Variants in PTK2 observed in about 807,000 individuals in gnomAD.
PTK2 encodes the protein focal adhesion kinase 1.
PTK2 carries 45 observed loss-of-function variants against 150.1 expected under a neutral mutation model. That is an observed-to-expected ratio of 0.30 (90% CI 0.24 to 0.38). PTK2 has a LOEUF of 0.38. Ranked by LOEUF, PTK2 falls within the 10% of genes least tolerant of loss-of-function variation. The probability of loss-of-function intolerance (pLI) is 1.00; values close to 1 mark genes in which losing one functional copy is unlikely to be tolerated. For missense variants in PTK2, 919 were observed against 1,307.3 expected, an observed-to-expected ratio of 0.70 and a Z score of 4.58; for synonymous variants, 432 against 449.2, an observed-to-expected ratio of 0.96 and a Z score of 0.48.
rs528747742 is a variant in PTK2, at chr8:140,970,823, G to C, written c.-122+30302C>G. ...CCTAAATGGCTCTCCATCTTATGTG[G>C]ATAACTTAACCATGTTAAGTTGTCT... is the stretch of plus-strand genomic sequence containing the variant. On this transcript the variant is annotated intron_variant, in intron 1 of 31. Transcript: ENST00000522684. 2.0e-5 allele frequency among the ~76,000 whole-genome samples: 3 copies of C among 151,614 alleles called. No homozygotes were observed. In the South Asian group the frequency reaches 6.2e-4, roughly 32 times the overall value.
intron 7 of PTK2, among the ~76,000 whole-genome samples, chr8:140,845,644 T>C (rs539937611): frequency 6.6e-6 from 1 of 152,310 alleles, no homozygotes; most frequent in East Asian, 1.9e-4. Flanking sequence ...GTGGAATGCT[T>C]CCTGGGGGTT....
chr8:140,768,218 G>A (rs573875741), intron 14 of PTK2, among the ~76,000 whole-genome samples: 1 of 151,998 alleles, frequency 6.6e-6, no homozygotes, highest in South Asian at 2.1e-4. Context: ...GGCAAGAAAC[G>A]GTAGCATACA....
intron 16 of PTK2, 115 bp downstream of exon 19, chr8:140,761,050 A>G (rs2100069141): frequency 1.4e-6 from 1 of 695,950 alleles, no homozygotes; most frequent in South Asian, 2.0e-5. Flanking sequence ...TTTATAAAAG[A>G]CACCCGTAAA....
chr8:140,681,782 A>G (rs1054303255), intron 27 of PTK2, among the ~76,000 whole-genome samples: 1 of 152,214 alleles, frequency 6.6e-6, no homozygotes, highest in Non-Finnish European at 1.5e-5. Context: ...GTCTCAAAAA[A>G]AAGCAGTTGG....
exon 3 of PTK2, chr8:140,890,709 A>C: frequency 6.2e-7 from 1 of 1,614,140 alleles, no homozygotes. Flanking sequence ...TGTGTGATTC[A>C]AGTTGGGGTC....
chr8:140,716,357 G>A (rs1047190843), intron 23 of PTK2, among the ~76,000 whole-genome samples: 2 of 152,202 alleles, frequency 1.3e-5, no homozygotes, highest in Non-Finnish European at 2.9e-5. Flanking sequence ...TGCGGGGTAC[G>A]TGCTAGTTTT....
rs371277857 is a variant in PTK2 at position 140,819,035 on chromosome 8, T to C, written c.649-15A>G. 1 of 1,608,420 alleles carries C rather than the reference T, an allele frequency of 6.2e-7. No individual in the cohort carries two copies. The highest frequency in any genetic ancestry group is 8.5e-7 in the Non-Finnish European group (1 of 1,177,590). ...AGTGTTTTGGCCTGCATGACAAAAT[T>C]ACCAAAACATCTTGTAAAAATCAGC... On this transcript the variant is annotated splice_polypyrimidine_tract_variant and intron_variant, in intron 8 of 31. Coordinates refer to ENST00000522684, the Ensembl canonical transcript of PTK2.
intron 22 of PTK2, among the ~76,000 whole-genome samples, chr8:140,726,582 G>T (rs1273087250): frequency 6.6e-6 from 1 of 151,886 alleles, no homozygotes; most frequent in African/African-American, 2.4e-5. Flanking sequence ...TAACAGGGCA[G>T]AAGACAGTAA....
At chr8:140,733,221 G>A (rs1220750496) in intron 22 of PTK2, among the ~76,000 whole-genome samples, 1 of 152,186 alleles carries the variant, frequency 6.6e-6, no homozygotes, top group Non-Finnish European at 1.5e-5. Flanking sequence ...CAACCTGGAG[G>A]AAGTGAGGAG....
Position 140,764,654 on chromosome 8 carries a change from A to T in PTK2, c.1178-364T>A, listed in dbSNP as rs180951926. The T allele has an allele frequency of 2.0e-5, 7 of 343,966 alleles. No homozygotes were observed. In the Admixed American group the frequency reaches 3.2e-4, roughly 16 times the overall value. 21.3% of individuals were successfully genotyped at this position (343,966 alleles called of 1,614,324 possible). On this transcript the variant is annotated intron_variant, in intron 14 of 31. Transcript: ENST00000522684. ...TACATGTTTAAAACTACAGTTGTCTACTGGGCTTTCTCCAAATAAGACTGG... is the reference window on the plus strand; with the variant it reads ...TACATGTTTAAAACTACAGTTGTCTTCTGGGCTTTCTCCAAATAAGACTGG...
chr8:140,921,772 T>A (rs1320454348), intron 2 of PTK2, among the ~76,000 whole-genome samples: 1 of 152,186 alleles, frequency 6.6e-6, no homozygotes, highest in Non-Finnish European at 1.5e-5. Context: ...AATAAACTCA[T>A]ACTAAAGAAG....
At chr8:140,740,338 A>G (rs937207752) in intron 20 of PTK2, among the ~76,000 whole-genome samples, 6 of 152,138 alleles carry the variant, frequency 3.9e-5, no homozygotes, top group Non-Finnish European at 8.8e-5. Flanking sequence ...CTGCAGGGAG[A>G]GGATATAAGA....
intron 8 of PTK2, among the ~76,000 whole-genome samples, chr8:140,823,114 T>C (rs940753384): frequency 2.6e-5 from 4 of 152,192 alleles, no homozygotes; most frequent in Non-Finnish European, 4.4e-5. Context: ...AATTGGAATA[T>C]GGTAGCAGTT....
upstream of PTK2, chr8:141,001,453 T>G (rs1335403287): frequency 6.6e-6 from 1 of 151,618 alleles, no homozygotes; most frequent in East Asian, 2.0e-4. Flanking sequence ...TCTGCTCGCG[T>G]AATTTGTCCT....
chr8:140,801,834 A>G (rs900448837), intron 11 of PTK2, among the ~76,000 whole-genome samples: 3 of 152,304 alleles, frequency 2.0e-5, no homozygotes, highest in African/African-American at 7.2e-5. Flanking sequence ...GTCCGCATAT[A>G]CAATGGTGGT....
chr8:140,719,801 G>C (rs149694878), intron 22 of PTK2, among the ~76,000 whole-genome samples: 1 of 149,044 alleles, frequency 6.7e-6, no homozygotes, highest in Non-Finnish European at 1.5e-5. Flanking sequence ...AGGTGGGATC[G>C]CTTGAGTCCG....
chr8:140,667,607 G>A (rs1047026987), intron 30 of PTK2, among the ~76,000 whole-genome samples: 1 of 151,986 alleles, frequency 6.6e-6, no homozygotes, highest in African/African-American at 2.4e-5. Flanking sequence ...AGCCCCTAGT[G>A]TCCTTTTACA....
At chr8:140,936,050 T>C (rs1428583864) in intron 1 of PTK2, among the ~76,000 whole-genome samples, 1 of 152,060 alleles carries the variant, frequency 6.6e-6, no homozygotes, top group Non-Finnish European at 1.5e-5. Flanking sequence ...GTGGCATGCA[T>C]CTGTAGTCCC....
At chr8:140,879,517 T>C (rs1385276601) in exon 4 of PTK2, 2 of 1,613,676 alleles carry the variant, frequency 1.2e-6, no homozygotes, top group African/African-American at 1.3e-5. Context: ...TCCCTCACAC[T>C]GGAGACGCCC....
Sources: gnomAD v4.1 joint callset for allele counts (sites outside exome capture counted in the v4.1 genomes callset) on GRCh38, gnomAD v4.1.1 for gene constraint, MANE v1.5 for transcripts, NCBI Gene and HGNC (gene_info 2026-07-23, HGNC 2026-07-21) for gene names.